Variants in MLLT10 observed in about 807,000 individuals in gnomAD.
MLLT10 encodes MLLT10 histone lysine methyltransferase DOT1L cofactor, also known as protein AF-10.
MLLT10 carries 30 observed loss-of-function variants against 129.1 expected under a neutral mutation model. That is an observed-to-expected ratio of 0.23 (90% CI 0.17 to 0.32). The LOEUF (loss-of-function observed/expected upper bound fraction) is 0.32. Ranked by LOEUF, MLLT10 falls within the 10% of genes least tolerant of loss-of-function variation. MLLT10 has a pLI of 1.00. For synonymous variants in MLLT10, 490 were observed against 446.4 expected (o/e 1.10, Z -1.23); for missense variants, 1,119 against 1,268.3 (o/e 0.88, Z 1.79).
chr10:21,561,650 T>A (rs1227310649), intron 3 of MLLT10, among the ~76,000 whole-genome samples: 1 of 152,344 alleles, frequency 6.6e-6, no homozygotes, highest in South Asian at 2.1e-4. Flanking sequence ...TTCTTTTGCA[T>A]GTAGATAATC....
intron 2 of MLLT10, among the ~76,000 whole-genome samples, chr10:21,537,971 G>A (rs1438330717): frequency 6.6e-6 from 1 of 151,756 alleles, no homozygotes; most frequent in Admixed American, 6.6e-5. Context: ...ATCATTTGGA[G>A]CATTCACATC....
At chr10:21,664,320 G>C (rs1341183106) in intron 9 of MLLT10, among the ~76,000 whole-genome samples, 1 of 136,184 alleles carries the variant, frequency 7.3e-6, no homozygotes, top group Non-Finnish European at 1.6e-5. Context: ...TTGTTTGTTT[G>C]TTTTTTTTTT....
At chr10:21,676,987 T>G (rs887004580) in intron 11 of MLLT10, among the ~76,000 whole-genome samples, 3 of 152,174 alleles carry the variant, frequency 2.0e-5, no homozygotes, top group African/African-American at 7.2e-5. Context: ...GATGAACACT[T>G]AGTATGTGCC....
At chr10:21,559,128 G>T (rs2038460320) in intron 3 of MLLT10, among the ~76,000 whole-genome samples, 1 of 152,198 alleles carries the variant, frequency 6.6e-6, no homozygotes, top group South Asian at 2.1e-4. Flanking sequence ...GTGTCGCCCA[G>T]GCTGGAGTGC....
intron 8 of MLLT10, among the ~76,000 whole-genome samples, chr10:21,618,418 A>T (rs1199300228): frequency 1.3e-5 from 2 of 151,588 alleles, no homozygotes; most frequent in Non-Finnish European, 2.9e-5. Context: ...CAGGAGAATC[A>T]CGCTTGAACC....
At chr10:21,534,600 T>C in intron 1 of MLLT10, 45 bp from the exon 2 acceptor site, 4 of 1,578,622 alleles carry the variant, frequency 2.5e-6, no homozygotes, top group East Asian at 2.4e-5. Flanking sequence ...GAAGCACTAA[T>C]CGGCTTGCAT....
At chr10:21,577,195 C>T (rs2040861186) in intron 3 of MLLT10, among the ~76,000 whole-genome samples, 1 of 152,344 alleles carries the variant, frequency 6.6e-6, no homozygotes, top group Middle Eastern at 3.4e-3. Flanking sequence ...AGCATTAGAA[C>T]TTCATTCCCT....
chr10:21,559,548 A>G (rs115861537), intron 3 of MLLT10, among the ~76,000 whole-genome samples: 176 of 152,342 alleles, frequency 1.2e-3, no homozygotes, highest in African/African-American at 4.1e-3. Flanking sequence ...CACAGTGTTT[A>G]TAACCGTCAG....
At chr10:21,691,181 A>G (rs994852928) in intron 13 of MLLT10, among the ~76,000 whole-genome samples, 2 of 152,068 alleles carry the variant, frequency 1.3e-5, no homozygotes, top group South Asian at 2.1e-4. Context: ...TCTCTGTGTA[A>G]TGTATTTCAC....
chr10:21,633,393 G>A (rs990239726), intron 8 of MLLT10, among the ~76,000 whole-genome samples: 1 of 152,190 alleles, frequency 6.6e-6, no homozygotes, highest in East Asian at 1.9e-4. Context: ...GATACATAGT[G>A]TATTCCCAGT....
chr10:21,601,661 T>A (rs937971438), intron 5 of MLLT10, among the ~76,000 whole-genome samples: 1 of 152,174 alleles, frequency 6.6e-6, no homozygotes, highest in Non-Finnish European at 1.5e-5. Context: ...CCTGAGTAAC[T>A]AGGAGTACAG....
At chr10:21,709,212 T>TA (rs1188126934) in intron 13 of MLLT10, among the ~76,000 whole-genome samples, 2 of 149,894 alleles carry the variant, frequency 1.3e-5, no homozygotes, top group African/African-American at 4.9e-5. Flanking sequence ...CCAAAATAAC[T>TA]AATCAGCATT....
chr10:21,599,854 C>T (rs2043354635), intron 5 of MLLT10, among the ~76,000 whole-genome samples: 1 of 152,170 alleles, frequency 6.6e-6, no homozygotes, highest in South Asian at 2.1e-4. Flanking sequence ...AGGCATGAGC[C>T]ACTATATGGG....
chr10:21,558,415 C>T (rs1455743762), intron 3 of MLLT10, among the ~76,000 whole-genome samples: 1 of 151,920 alleles, frequency 6.6e-6, no homozygotes, highest in Non-Finnish European at 1.5e-5. Flanking sequence ...ATGATCCTGC[C>T]ACTCTACTCC....
intron 3 of MLLT10, among the ~76,000 whole-genome samples, chr10:21,549,818 T>C (rs995145256): frequency 1.3e-5 from 2 of 152,086 alleles, no homozygotes; most frequent in African/African-American, 4.8e-5. Context: ...TTTGTATTTT[T>C]TGTAGAAATG....
intron 3 of MLLT10, among the ~76,000 whole-genome samples, chr10:21,572,370 C>T (rs1406152430): frequency 6.6e-6 from 1 of 152,118 alleles, no homozygotes; most frequent in Non-Finnish European, 1.5e-5. Flanking sequence ...ATTCTCCGTC[C>T]TTCACATTTC....
intron 5 of MLLT10, among the ~76,000 whole-genome samples, chr10:21,603,825 T>TG (rs2043797468): frequency 7.1e-6 from 1 of 140,594 alleles, no homozygotes; most frequent in African/African-American, 2.4e-5. Flanking sequence ...TTTTGTTTTT[T>TG]TGTTTTTTTT....
intron 8 of MLLT10, among the ~76,000 whole-genome samples, chr10:21,622,387 C>CT (rs1589280356): frequency 6.7e-6 from 1 of 149,982 alleles, no homozygotes; most frequent in East Asian, 2.0e-4. Context: ...AGGCTGGTCT[C>CT]TAACACCTGC....
At chr10:21,646,195 A>G (rs889947282) in intron 8 of MLLT10, among the ~76,000 whole-genome samples, 3 of 152,120 alleles carry the variant, frequency 2.0e-5, no homozygotes, top group Non-Finnish European at 4.4e-5. Flanking sequence ...ACAGAGTGAG[A>G]CTGTATCCCA....
Sources: gnomAD v4.1 joint callset for allele counts (sites outside exome capture counted in the v4.1 genomes callset) on GRCh38, gnomAD v4.1.1 for gene constraint, MANE v1.5 for transcripts, NCBI Gene and HGNC (gene_info 2026-07-23, HGNC 2026-07-21) for gene names.